INHBA: variants seen among roughly 807,000 people sequenced by gnomAD.
The protein encoded by INHBA is inhibin beta A chain.
INHBA carries 1 observed loss-of-function variant against 29.0 expected under a neutral mutation model. The observed-to-expected ratio is 0.03, with a 90% CI of 0.01 to 0.16. The LOEUF is 0.16. Among genes scored for constraint, INHBA ranks in the 10% least tolerant of loss-of-function variants. The pLI is 1.00. For synonymous variants in INHBA, 242 were observed against 216.8 expected (o/e 1.12, Z -1.02); for missense variants, 376 against 545.4 (o/e 0.69, Z 3.09).
At chr7:41,704,966 G>T (rs920915366), upstream of INHBA, among the ~76,000 whole-genome samples, 1 of 152,092 alleles carries the variant, frequency 6.6e-6, no homozygotes, top group Non-Finnish European at 1.5e-5. Context: ...CCACCTGCCA[G>T]GCCAGCCTAC....
chr7:41,688,989 T>A lies in INHBA; in HGVS notation c.*661A>T. 4.3e-6 allele frequency: 1 copy of A among 233,130 alleles called. No individual in the cohort carries two copies. The allele number at this position is 233,130 out of a possible 1,614,324, so 14.4% of individuals were successfully genotyped here. A position where few individuals can be genotyped will look rare whatever the true frequency, so the allele number is the denominator to read the frequency against. On this transcript the variant is annotated 3_prime_UTR_variant, in exon 3 of 3. Coordinates refer to ENST00000242208, the MANE Select transcript of INHBA (RefSeq NM_002192.4). Reference sequence around the variant, plus strand: ...CTTTCCATACTTGTTCTCAATTTTTTAATGTTGTTTGTTTTGTTTTGTTGC... The same window carrying A: ...CTTTCCATACTTGTTCTCAATTTTTAAATGTTGTTTGTTTTGTTTTGTTGC...
chr7:41,689,102 C>CTGTGTGTGTGTGTG lies in INHBA; in HGVS notation c.*534_*547dup, dbSNP rs56919042. 4.8e-5 allele frequency: 10 copies of CTGTGTGTGTGTGTG among 210,200 alleles called. No homozygotes were observed. Among genetic ancestry groups the CTGTGTGTGTGTGTG allele is most frequent in the African/African-American group, 1.6e-4 (7 of 42,626 alleles). 13.0% of individuals were successfully genotyped at this position (210,200 alleles called of 1,614,324 possible). A position where few individuals can be genotyped will look rare whatever the true frequency, so the allele number is the denominator to read the frequency against. On this transcript the variant is annotated 3_prime_UTR_variant, in exon 3 of 3. Transcript: ENST00000242208. ...GTATATATGTAATGTGTGGAAATGC[C>CTGTGTGTGTGTGTG]TGTGTGTGTGTGTGTGTGTGTGTGT...
chr7:41,695,573 A>G (rs975212692), intron 2 of INHBA, among the ~76,000 whole-genome samples: 14 of 152,172 alleles, frequency 9.2e-5, no homozygotes, highest in Non-Finnish European at 1.9e-4. Flanking sequence ...AATTATCTTG[A>G]TTAATTTTTT....
chr7:41,698,422 C>T (rs1264937879), intron 2 of INHBA, among the ~76,000 whole-genome samples: 1 of 152,260 alleles, frequency 6.6e-6, no homozygotes, highest in African/African-American at 2.4e-5. Flanking sequence ...CCACTGAAAT[C>T]TGTTTCACAT....
chr7:41,689,528 T>TTTTTTTTTTTTTTTTTTTA lies in INHBA; in HGVS notation c.*121_*122insTAAAAAAAAAAAAAAAAAA. Reference sequence around the variant, plus strand: ...ATTTACTTTTGTTTTTTTTTGTTTTTTTTTTTGTTTTGTTTTTAATTTCTA... The same window carrying TTTTTTTTTTTTTTTTTTTA: ...ATTTACTTTTGTTTTTTTTTGTTTTTTTTTTTTTTTTTTTTTTTATTTTTTGTTTTGTTTTTAATTTCTA... On this transcript the variant is annotated 3_prime_UTR_variant, in exon 3 of 3. Coordinates refer to ENST00000242208, the MANE Select transcript of INHBA (RefSeq NM_002192.4). The TTTTTTTTTTTTTTTTTTTA allele has an allele frequency of 1.2e-6, 1 of 819,632 alleles. No individual in the cohort carries two copies. The highest frequency in any genetic ancestry group is 3.5e-5 in the South Asian group (1 of 28,186). 50.8% of individuals were successfully genotyped at this position (819,632 alleles called of 1,614,324 possible). A position where few individuals can be genotyped will look rare whatever the true frequency, so the allele number is the denominator to read the frequency against.
At position 41,687,647 on chromosome 7, in the gene INHBA, C is replaced by T. The variant is rs1583589245; in HGVS notation, c.*2003G>A. The T allele has an allele frequency of 6.6e-6, 1 of 152,152 alleles. No individual in the cohort carries two copies. Among genetic ancestry groups the T allele is most frequent in the Non-Finnish European group, 1.5e-5 (1 of 68,000 alleles). The allele number at this position is 152,152 out of a possible 1,614,324, so 9.4% of individuals were successfully genotyped here. ...AATTTTAGAGATTTTTACTACTGCC[C>T]TCACCTCTGCCTCCTCTTAACTGTT... On this transcript the variant is annotated 3_prime_UTR_variant, in exon 3 of 3. Transcript: ENST00000242208.
chr7:41,689,971 G>A lies in INHBA; in HGVS notation c.960C>T (p.Ile320=). The A allele has an allele frequency of 1.2e-6, 2 of 1,614,074 alleles. No individual in the cohort carries two copies. Among genetic ancestry groups the A allele is most frequent in the South Asian group, 1.1e-5 (1 of 91,088 alleles). The change falls in exon 3 of 3, where the codon ATC becomes ATT. Residue 320 remains isoleucine (I), a synonymous_variant. Coordinates refer to ENST00000242208, the MANE Select transcript of INHBA (RefSeq NM_002192.4). ...TGACAAAGAACTGTTTCTTACAGCA[G>A]ATGTTGACCTTGCCATCACACTCCA... is the stretch of plus-strand genomic sequence containing the variant. The part of the protein sequence containing the change: ...RGLECDGKVN[I]CCKKQFFVSF...
At chr7:41,690,621 C>A (rs1331683246) in intron 2 of INHBA, 79 bp from the exon 3 acceptor site, 1 of 1,446,472 alleles carries the variant, frequency 6.9e-7, no homozygotes, top group Admixed American at 2.7e-5. Context: ...AAATTTCAGG[C>A]AAGCAGGAGT....
At chr7:41,696,792 C>T (rs1436102335) in intron 2 of INHBA, among the ~76,000 whole-genome samples, 5 of 152,192 alleles carry the variant, frequency 3.3e-5, no homozygotes, top group Non-Finnish European at 7.3e-5. Context: ...CCAAGCAAAG[C>T]TTCTTGGATC....
chr7:41,692,384 G>T (rs1023982250), intron 2 of INHBA: 1 of 152,126 alleles, frequency 6.6e-6, no homozygotes, highest in African/African-American at 2.4e-5. Context: ...AGATGTTTAC[G>T]GTACTATAAA....
intron 2 of INHBA, among the ~76,000 whole-genome samples, chr7:41,694,355 C>A (rs938035903): frequency 6.6e-6 from 1 of 152,128 alleles, no homozygotes; most frequent in Non-Finnish European, 1.5e-5. Context: ...TGCAGTGACA[C>A]TTTCAAGATG....
At chr7:41,690,598 T>C in intron 2 of INHBA, 56 bp from the exon 3 acceptor site, 1 of 1,476,284 alleles carries the variant, frequency 6.8e-7, no homozygotes, top group Non-Finnish European at 8.9e-7. Context: ...TTCCAACATT[T>C]ACATGCACTC....
rs1794738705 is a variant in INHBA at position 41,699,967 on chromosome 7, C to G, written c.388+20G>C. 1.4e-6 allele frequency: 1 copy of G among 723,208 alleles called. No individual in the cohort carries two copies. Among genetic ancestry groups the G allele is most frequent in the East Asian group, 8.0e-5 (1 of 12,526 alleles). 44.8% of individuals were successfully genotyped at this position (723,208 alleles called of 1,614,324 possible). A position where few individuals can be genotyped will look rare whatever the true frequency, so the allele number is the denominator to read the frequency against. ...CCCACCCCCCACCCCTCCCCACCCC[C>G]TGCCAATGCCAGCACCAACCTGACT... On this transcript the variant is annotated intron_variant, in intron 2 of 2. Transcript: ENST00000242208.
At chr7:41,694,669 G>A (rs754026488) in intron 2 of INHBA, among the ~76,000 whole-genome samples, 4 of 152,018 alleles carry the variant, frequency 2.6e-5, no homozygotes, top group East Asian at 3.9e-4. Context: ...TTTCCCTCCC[G>A]AGGCTTGTGA....
intron 1 of INHBA, among the ~76,000 whole-genome samples, chr7:41,702,400 A>T (rs1794815563): frequency 6.6e-6 from 1 of 152,130 alleles, no homozygotes; most frequent in Non-Finnish European, 1.5e-5. Context: ...AACATCAATT[A>T]CTCCACCATT....
In INHBA at chr7:41,687,572, C is replaced by T. The variant is rs574024333; in HGVS notation, c.*2078G>A. 11 of 151,966 alleles carry T rather than the reference C, an allele frequency of 7.2e-5. No homozygotes were observed. Among genetic ancestry groups the T allele is most frequent in the Middle Eastern group, 3.4e-3 (1 of 294 alleles). 9.4% of individuals were successfully genotyped at this position (151,966 alleles called of 1,614,324 possible). On this transcript the variant is annotated 3_prime_UTR_variant, in exon 3 of 3. Transcript: ENST00000242208. The stretch of plus-strand genomic sequence containing the variant: ...CAAAGGTGTTTTTTTTTCATTTCTG[C>T]ATCTGAATCAATACAAATTTACACA...
upstream of INHBA, among the ~76,000 whole-genome samples, chr7:41,704,583 A>G (rs571485683): frequency 6.8e-6 from 1 of 147,538 alleles, no homozygotes; most frequent in African/African-American, 2.5e-5. Flanking sequence ...AGTGTCCTGA[A>G]AACATCCCCT....
intron 2 of INHBA, chr7:41,691,952 A>G (rs1490186924): frequency 2.0e-5 from 3 of 152,252 alleles, no homozygotes; most frequent in Non-Finnish European, 4.4e-5. Flanking sequence ...TCAAATAGCA[A>G]TCGCTGCTAA....
intron 2 of INHBA, among the ~76,000 whole-genome samples, chr7:41,694,312 T>C (rs1794592083): frequency 6.6e-6 from 1 of 152,186 alleles, no homozygotes; most frequent in African/African-American, 2.4e-5. Flanking sequence ...ATATTCCCTT[T>C]ATCTCTATAT....
Sources: gnomAD v4.1 joint callset for allele counts (sites outside exome capture counted in the v4.1 genomes callset) on GRCh38, gnomAD v4.1.1 for gene constraint, MANE v1.5 for transcripts, NCBI Gene and HGNC (gene_info 2026-07-23, HGNC 2026-07-21) for gene names.